Variants in HPSE2 observed in about 807,000 individuals in gnomAD.
The protein encoded by HPSE2 is inactive heparanase-2.
In HPSE2, 38 loss-of-function variants were observed where a neutral mutation model predicts 60.5. The ratio of observed to expected loss-of-function variants is 0.63; its 90% CI spans 0.48 to 0.82. HPSE2 has a LOEUF of 0.82. HPSE2 is among the 40% of genes least tolerant of loss of function. HPSE2 has a pLI of 0.00. For missense variants in HPSE2, 713 were observed against 740.4 expected, an observed-to-expected ratio of 0.96 and a Z score of 0.43; for synonymous variants, 295 against 293.2, an observed-to-expected ratio of 1.01 and a Z score of -0.06.
Position 99,169,865 on chromosome 10 carries a change from A to G in HPSE2, c.449-25466T>C, listed in dbSNP as rs193043434. On this transcript the variant is annotated intron_variant, in intron 2 of 11. Coordinates refer to ENST00000370552, the MANE Select transcript of HPSE2 (RefSeq NM_021828.5). ...TATTTTAGGTTTTGTGGGTCATACA[A>G]TCTCTTGCAACTACTCAACTCTGTG... 3.7e-4 allele frequency among the ~76,000 whole-genome samples: 56 copies of G among 152,298 alleles called. 1 individual carries two copies. The highest frequency in any genetic ancestry group is 1.2e-3 in the East Asian group (6 of 5,190).
At chr10:99,163,168 G>A (rs539183011) in intron 2 of HPSE2, among the ~76,000 whole-genome samples, 35 of 150,860 alleles carry the variant, frequency 2.3e-4, no homozygotes, top group African/African-American at 7.3e-4. Flanking sequence ...CCAAGATCTC[G>A]CCACTGCACT....
At chr10:99,151,829 C>T (rs1028798972) in intron 2 of HPSE2, among the ~76,000 whole-genome samples, 5 of 152,132 alleles carry the variant, frequency 3.3e-5, no homozygotes, top group African/African-American at 1.2e-4. Context: ...AACAGGAGGA[C>T]TGCTTGAGCT....
chr10:98,833,356 G>A (rs578142907), intron 3 of HPSE2, among the ~76,000 whole-genome samples: 17 of 152,140 alleles, frequency 1.1e-4, no homozygotes, highest in Non-Finnish European at 2.2e-4. Flanking sequence ...AGATACATGT[G>A]CCAAAGTCTT....
chr10:98,665,194 TCA>T (rs1455142496), intron 6 of HPSE2, among the ~76,000 whole-genome samples: 1 of 152,104 alleles, frequency 6.6e-6, no homozygotes, highest in Non-Finnish European at 1.5e-5. Context: ...GAGGAAACTC[TCA>T]GTTTGAAGAC....
At chr10:99,037,446 A>G (rs11189947) in intron 3 of HPSE2, among the ~76,000 whole-genome samples, 15,601 of 152,144 alleles carry the variant, frequency 0.1, 864 homozygotes, top group South Asian at 0.19. Flanking sequence ...TAAGTATAAA[A>G]TTAGTTTGAA....
chr10:98,497,424 TAAAC>T (rs1325046852), intron 9 of HPSE2, among the ~76,000 whole-genome samples: 3 of 152,176 alleles, frequency 2.0e-5, no homozygotes, highest in African/African-American at 7.2e-5. Context: ...GATATACTGA[TAAAC>T]AATATATATA....
At chr10:99,115,462 T>A (rs958304693) in intron 3 of HPSE2, among the ~76,000 whole-genome samples, 14 of 152,098 alleles carry the variant, frequency 9.2e-5, no homozygotes, top group African/African-American at 3.1e-4. Context: ...CCAATTTTTT[T>A]TTTTTTATTT....
At chr10:99,095,198 AAAAAG>A (rs1162594398) in intron 3 of HPSE2, among the ~76,000 whole-genome samples, 3 of 152,146 alleles carry the variant, frequency 2.0e-5, no homozygotes, top group Admixed American at 6.5e-5. Context: ...GGAAGAAAAA[AAAAAG>A]AAAAGAAAAG....
intron 9 of HPSE2, among the ~76,000 whole-genome samples, chr10:98,611,372 C>T (rs1017901944): frequency 6.6e-6 from 1 of 152,110 alleles, no homozygotes; most frequent in Non-Finnish European, 1.5e-5. Context: ...TTAAAGTTGA[C>T]TGGGCAGGGG....
Position 98,911,215 on chromosome 10 carries a change from G to A in HPSE2, c.611-167159C>T, listed in dbSNP as rs1285210548. Among the ~76,000 whole-genome samples the A allele has an allele frequency of 3.9e-5, 6 of 152,238 alleles. No individual in the cohort carries two copies. In the East Asian group the frequency reaches 1.2e-3, roughly 29 times the overall value. ...CATGATGTGATTCCAAATTTTCTAG[G>A]GGCAGCACATTAATTGGAGTCAACT... On this transcript the variant is annotated intron_variant, in intron 3 of 11. Transcript: ENST00000370552.
chr10:99,244,336 G>C, the HPSE2 span, among the ~76,000 whole-genome samples: 1 of 150,584 alleles, frequency 6.6e-6, no homozygotes, highest in Non-Finnish European at 1.5e-5. Flanking sequence ...ATTTTCTTTT[G>C]TTCTCTAGGC....
At chr10:98,951,737 A>AGAAACAGAC (rs1345723875) in intron 3 of HPSE2, among the ~76,000 whole-genome samples, 1 of 152,192 alleles carries the variant, frequency 6.6e-6, no homozygotes, top group East Asian at 1.9e-4. Context: ...CCCCAAAGGC[A>AGAAACAGAC]GAAACAGACC....
At chr10:98,523,623 C>T (rs756501840) in intron 9 of HPSE2, among the ~76,000 whole-genome samples, 15 of 152,186 alleles carry the variant, frequency 9.9e-5, no homozygotes, top group Admixed American at 5.2e-4. Context: ...TGCACAAAAT[C>T]AAACTCTCAT....
rs950750406 is a variant in HPSE2 at position 99,126,469 on chromosome 10, T to C, written c.610+17769A>G. On this transcript the variant is annotated intron_variant, in intron 3 of 11. Coordinates refer to ENST00000370552, the MANE Select transcript of HPSE2 (RefSeq NM_021828.5). The surrounding 1 kb of genome is among the most constrained non-coding windows in gnomAD (Gnocchi z 4.0). Reference sequence around the variant, plus strand: ...TACCCTGGCCAATGTATGGCAAGCGTAGATCTCCTTACTACTGTTGCAGCT... The same window carrying C: ...TACCCTGGCCAATGTATGGCAAGCGCAGATCTCCTTACTACTGTTGCAGCT... 6.6e-6 allele frequency among the ~76,000 whole-genome samples: 1 copy of C among 152,154 alleles called. No individual in the cohort carries two copies. Among genetic ancestry groups the C allele is most frequent in the African/African-American group, 2.4e-5 (1 of 41,422 alleles).
chr10:98,716,100 T>C (rs1432706236), intron 5 of HPSE2, among the ~76,000 whole-genome samples: 1 of 152,028 alleles, frequency 6.6e-6, no homozygotes, highest in Non-Finnish European at 1.5e-5. Context: ...TCATCAGGAG[T>C]AGATTCCATC....
chr10:99,031,468 G>A (rs945456369), intron 3 of HPSE2, among the ~76,000 whole-genome samples: 1 of 152,138 alleles, frequency 6.6e-6, no homozygotes, highest in Non-Finnish European at 1.5e-5. Context: ...AGGAGTTAGT[G>A]AATACTCAAA....
chr10:99,066,183 C>T (rs1267729673), intron 3 of HPSE2, among the ~76,000 whole-genome samples: 1 of 152,188 alleles, frequency 6.6e-6, no homozygotes, highest in Non-Finnish European at 1.5e-5. Context: ...TGGATAGTCT[C>T]TGCCAAACCA....
intron 9 of HPSE2, among the ~76,000 whole-genome samples, chr10:98,567,059 C>T (rs1487518354): frequency 6.6e-6 from 1 of 152,182 alleles, no homozygotes; most frequent in Non-Finnish European, 1.5e-5. Context: ...ACAGATATCT[C>T]TTGGGGAGCT....
chr10:98,525,218 C>T (rs1942927021), intron 9 of HPSE2, among the ~76,000 whole-genome samples: 1 of 152,178 alleles, frequency 6.6e-6, no homozygotes, highest in South Asian at 2.1e-4. Flanking sequence ...ACTATGTTGC[C>T]CAGTCTGGTC....
Sources: gnomAD v4.1 joint callset for allele counts (sites outside exome capture counted in the v4.1 genomes callset) on GRCh38, gnomAD v4.1.1 for gene constraint, Gnocchi (gnomAD v3.1) non-coding constraint, MANE v1.5 for transcripts, NCBI Gene and HGNC (gene_info 2026-07-23, HGNC 2026-07-21) for gene names.